The following RAB9A variants were observed in gnomAD, a reference collection of about 807,000 sequenced individuals.
RAB9A encodes the protein ras-related protein Rab-9A.
Under a neutral mutation model 10.3 loss-of-function variants are expected in RAB9A, and 1 was observed. The observed-to-expected ratio is 0.10, with a 90% CI of 0.03 to 0.46. The LOEUF (loss-of-function observed/expected upper bound fraction) is 0.46. Ranked by LOEUF, RAB9A falls within the 20% of genes least tolerant of loss-of-function variation. The pLI, the probability that RAB9A is intolerant of heterozygous loss-of-function variation, is 0.96. For synonymous variants in RAB9A, 39 were observed against 55.2 expected, an observed-to-expected ratio of 0.71 and a Z score of 1.30; for missense variants, 92 against 150.3, an observed-to-expected ratio of 0.61 and a Z score of 2.03.
At chrX:13,701,143 ACTAT>A (rs1158660180) in intron 1 of RAB9A, among the ~76,000 whole-genome samples, 7 of 110,751 alleles carry the variant, frequency 6.3e-5, no homozygotes, top group Non-Finnish European at 1.3e-4. Context: ...AACCATCACT[ACTAT>A]CTAATTCCAG....
rs748765349 is a variant in RAB9A at position 13,709,381 on chromosome X, A to C, written c.*29A>C. 4.3e-6 allele frequency: 5 copies of C among 1,172,304 alleles called. No individual in the cohort carries two copies. In the Admixed American group the frequency reaches 1.2e-4, roughly 28 times the overall value. Reference sequence around the variant, plus strand: ...TTAGATTGTTGATGCATTCTAACCAACTCACACATATACACAAAATCAACA... The same window carrying C: ...TTAGATTGTTGATGCATTCTAACCACCTCACACATATACACAAAATCAACA... On this transcript the variant is annotated 3_prime_UTR_variant, in exon 3 of 3. Transcript: ENST00000464506.
In RAB9A at chrX:13,691,474, A is replaced by G. The variant is rs145155243; in HGVS notation, c.-116+2186A>G. On this transcript the variant is annotated intron_variant, in intron 1 of 2. Coordinates refer to ENST00000464506, the MANE Select transcript of RAB9A (RefSeq NM_004251.5). ...CAGGAGTTTGAAACCAGCCTGGCCA[A>G]CATGGTGAAACTCCGTTTCTACTAA... 5.3e-3 allele frequency among the ~76,000 whole-genome samples: 584 copies of G among 110,401 alleles called. 4 individuals carry two copies. Among genetic ancestry groups the G allele is most frequent in the African/African-American group, 0.018 (558 of 30,365 alleles).
chrX:13,696,244 CAAAAAAAA>C (rs34701498), intron 1 of RAB9A, among the ~76,000 whole-genome samples: 1 of 75,833 alleles, frequency 1.3e-5, no homozygotes, highest in Non-Finnish European at 2.5e-5. Flanking sequence ...CTTGTCATTA[CAAAAAAAA>C]AAAAAAAATT....
Position 13,710,350 on chromosome X carries a change from G to A in RAB9A, c.*998G>A, listed in dbSNP as rs956738412. Reference sequence around the variant, plus strand: ...GATTGTACTTTGTGAGAGGGTAAACGAAGACATCTTTATTCGGCAATGTAT... The same window carrying A: ...GATTGTACTTTGTGAGAGGGTAAACAAAGACATCTTTATTCGGCAATGTAT... On this transcript the variant is annotated 3_prime_UTR_variant, in exon 3 of 3. Transcript: ENST00000464506. 2.4e-5 allele frequency: 3 copies of A among 123,770 alleles called. No individual in the cohort carries two copies. The highest frequency in any genetic ancestry group is 9.7e-5 in the African/African-American group (3 of 30,959). 10.2% of individuals were successfully genotyped at this position (123,770 alleles called of 1,213,427 possible). A position where few individuals can be genotyped will look rare whatever the true frequency, so the allele number is the denominator to read the frequency against.
intron 1 of RAB9A, among the ~76,000 whole-genome samples, chrX:13,699,949 A>T (rs1476862396): frequency 8.9e-6 from 1 of 111,969 alleles, no homozygotes; most frequent in African/African-American, 3.3e-5. Flanking sequence ...CAGTCATATT[A>T]GAGATTTATA....
chrX:13,692,889 G>A (rs2046132415), intron 1 of RAB9A, among the ~76,000 whole-genome samples: 1 of 112,455 alleles, frequency 8.9e-6, no homozygotes, highest in Non-Finnish European at 1.9e-5. Flanking sequence ...GGAGTTGTCT[G>A]CTGTGGGGTA....
intron 1 of RAB9A, among the ~76,000 whole-genome samples, chrX:13,698,982 C>T (rs1419555000): frequency 9.5e-6 from 1 of 105,174 alleles, no homozygotes; most frequent in Non-Finnish European, 2.0e-5. Context: ...AAAAAAAAAT[C>T]TGTTCCTAAA....
chrX:13,701,094 C>G (rs1022471781), intron 1 of RAB9A, among the ~76,000 whole-genome samples: 1 of 111,681 alleles, frequency 9.0e-6, no homozygotes, highest in East Asian at 2.8e-4. Context: ...TTAAAGTATA[C>G]AGTTGATTGG....
chrX:13,709,341 T>C lies in RAB9A; in HGVS notation c.595T>C (p.Ser199Pro). ...TCACCGAAAGCCCAAGCCTAGCTCA[T>C]CTTGCTGTTGATTGTTAGATTGTTG... ...NLHRKPKPSS[S>P]CC Residue 199 changes from serine to proline, a missense_variant, in exon 3 of 3, where the codon TCT becomes CCT. Transcript: ENST00000464506. The C allele has an allele frequency of 8.3e-7, 1 of 1,199,758 alleles. No homozygotes were observed. Among genetic ancestry groups the C allele is most frequent in the Non-Finnish European group, 1.1e-6 (1 of 888,826 alleles).
At position 13,709,522 on chromosome X, in the gene RAB9A, A is replaced by C; in HGVS notation, c.*170A>C. 9.1e-6 allele frequency: 4 copies of C among 441,440 alleles called. No homozygotes were observed. The highest frequency in any genetic ancestry group is 1.5e-5 in the Non-Finnish European group (4 of 271,383). The allele number at this position is 441,440 out of a possible 1,213,427, so 36.4% of individuals were successfully genotyped here. Reference sequence around the variant, plus strand: ...AAGGGACACATCCACTCTTGGAGGAATATATTTACTCAATAATGGCACCTT... The same window carrying C: ...AAGGGACACATCCACTCTTGGAGGACTATATTTACTCAATAATGGCACCTT... On this transcript the variant is annotated 3_prime_UTR_variant, in exon 3 of 3. Coordinates refer to ENST00000464506, the MANE Select transcript of RAB9A (RefSeq NM_004251.5).
chrX:13,700,968 T>C (rs2046170517), intron 1 of RAB9A, among the ~76,000 whole-genome samples: 1 of 111,286 alleles, frequency 9.0e-6, no homozygotes, highest in Admixed American at 9.5e-5. Flanking sequence ...GATGAAGTTT[T>C]ACCATGTAGC....
rs2046216261 is a variant in RAB9A at position 13,710,315 on chromosome X, T to C, written c.*963T>C. ...CTGACTTTATCACTCTCAGAAGAAATACTAAGAAGGATTGTACTTTGTGAG... is the reference window on the plus strand; with the variant it reads ...CTGACTTTATCACTCTCAGAAGAAACACTAAGAAGGATTGTACTTTGTGAG... On this transcript the variant is annotated 3_prime_UTR_variant, in exon 3 of 3. Transcript: ENST00000464506. 8.1e-6 allele frequency: 1 copy of C among 123,897 alleles called. No homozygotes were observed. Among genetic ancestry groups the C allele is most frequent in the African/African-American group, 3.2e-5 (1 of 30,992 alleles). 10.2% of individuals were successfully genotyped at this position (123,897 alleles called of 1,213,427 possible). A position where few individuals can be genotyped will look rare whatever the true frequency, so the allele number is the denominator to read the frequency against.
chrX:13,689,673 C>A (rs2046111214), intron 1 of RAB9A, among the ~76,000 whole-genome samples: 1 of 111,901 alleles, frequency 8.9e-6, no homozygotes, highest in Non-Finnish European at 1.9e-5. Flanking sequence ...CCAAATCCTA[C>A]ACCCGAATGA....
intron 1 of RAB9A, among the ~76,000 whole-genome samples, chrX:13,690,168 A>G (rs1479604226): frequency 8.9e-6 from 1 of 111,994 alleles, no homozygotes; most frequent in Non-Finnish European, 1.9e-5. Context: ...TTGTAATGGA[A>G]AATCCCTACA....
At chrX:13,708,331 AC>A (rs762452793) in intron 2 of RAB9A, among the ~76,000 whole-genome samples, 6 of 106,476 alleles carry the variant, frequency 5.6e-5, no homozygotes, top group East Asian at 2.9e-4. Flanking sequence ...AAAAAAAAAA[AC>A]AAAACCAAAA....
intron 1 of RAB9A, among the ~76,000 whole-genome samples, chrX:13,698,021 C>G (rs1218412919): frequency 9.0e-6 from 1 of 110,986 alleles, no homozygotes; most frequent in African/African-American, 3.3e-5. Context: ...AGACCAGCTA[C>G]TTTCCAGTGC....
At chrX:13,701,436 CTTTCTT>C (rs1262582600) in intron 1 of RAB9A, among the ~76,000 whole-genome samples, 1 of 111,426 alleles carries the variant, frequency 9.0e-6, no homozygotes, top group Non-Finnish European at 1.9e-5. Flanking sequence ...TGGACATTGT[CTTTCTT>C]TTTAGGGGAA....
chrX:13,709,320 C>A lies in RAB9A; in HGVS notation c.574C>A (p.Arg192=). 12 of 1,206,682 alleles carry A rather than the reference C, an allele frequency of 9.9e-6. No homozygotes were observed. The highest frequency in any genetic ancestry group is 1.3e-5 in the Non-Finnish European group (12 of 892,305). The change falls in exon 3 of 3, where the codon CGA becomes AGA. Residue 192 remains arginine, a synonymous_variant. Transcript: ENST00000464506. ...TCAGACAGACACAGTCAATCTTCAC[C>A]GAAAGCCCAAGCCTAGCTCATCTTG... ...LIQTDTVNLH[R]KPKPSSSCC is the part of the protein sequence containing the mutation.
At chrX:13,696,412 ACT>A (rs1415702868) in intron 1 of RAB9A, among the ~76,000 whole-genome samples, 1 of 109,958 alleles carries the variant, frequency 9.1e-6, no homozygotes, top group African/African-American at 3.3e-5. Flanking sequence ...GTAGAGAAAG[ACT>A]CTGTCTTTTA....
Sources: allele counts gnomAD v4.1 joint callset (sites outside exome capture counted in the v4.1 genomes callset), GRCh38; gene constraint gnomAD v4.1.1; transcripts MANE v1.5; gene names NCBI Gene and HGNC (gene_info 2026-07-23, HGNC 2026-07-21).